The following ROBO1 variants were observed in gnomAD, a reference collection of about 807,000 sequenced individuals.
ROBO1 encodes roundabout homolog 1.
A neutral mutation model predicts 195.9 loss-of-function variants in ROBO1; 149 were observed. The ratio of observed to expected loss-of-function variants is 0.76; its 90% CI spans 0.67 to 0.87. The LOEUF is 0.87. Ranked by LOEUF, ROBO1 falls within the 40% of genes least tolerant of loss-of-function variation. The probability of loss-of-function intolerance (pLI) is 0.00; values close to 1 mark genes in which losing one functional copy is unlikely to be tolerated. For synonymous variants in ROBO1, 816 were observed against 733.2 expected, an observed-to-expected ratio of 1.11 and a Z score of -1.82; for missense variants, 1,933 against 2,068.3, an observed-to-expected ratio of 0.93 and a Z score of 1.27.
At chr3:79,044,935 A>G (rs1463132344) in intron 3 of ROBO1, among the ~76,000 whole-genome samples, 9 of 152,086 alleles carry the variant, frequency 5.9e-5, no homozygotes, top group Non-Finnish European at 1.5e-5. Context: ...TACTCAAAGC[A>G]TTGTATTAAA....
intron 2 of ROBO1, among the ~76,000 whole-genome samples, chr3:79,267,736 G>T (rs2030118148): frequency 6.6e-6 from 1 of 151,344 alleles, no homozygotes; most frequent in Non-Finnish European, 1.5e-5. Context: ...TTCTGTCATT[G>T]ATCTGTTTTG....
intron 1 of ROBO1, among the ~76,000 whole-genome samples, chr3:79,637,559 C>A (rs1439720540): frequency 1.3e-5 from 2 of 151,964 alleles, no homozygotes; most frequent in African/African-American, 4.8e-5. Context: ...AAAGCATAAG[C>A]AAGTCATCCT....
At chr3:79,448,096 T>G (rs1304721406) in intron 2 of ROBO1, among the ~76,000 whole-genome samples, 1 of 152,208 alleles carries the variant, frequency 6.6e-6, no homozygotes, top group East Asian at 1.9e-4. Context: ...TTACAAATAA[T>G]AGTAGGTGCT....
chr3:79,079,718 T>C (rs1056274749), intron 3 of ROBO1, among the ~76,000 whole-genome samples: 2 of 151,668 alleles, frequency 1.3e-5, no homozygotes, highest in Admixed American at 6.6e-5. Context: ...AGAAAACCCA[T>C]AGTGCCTGCT....
At chr3:79,499,664 A>T (rs891395455) in intron 2 of ROBO1, among the ~76,000 whole-genome samples, 3 of 152,288 alleles carry the variant, frequency 2.0e-5, no homozygotes, top group African/African-American at 7.2e-5. Flanking sequence ...TAAGAAAATA[A>T]ATATTGTGTT....
chr3:78,880,429 G>C (rs1204106911), intron 4 of ROBO1, among the ~76,000 whole-genome samples: 1 of 151,970 alleles, frequency 6.6e-6, no homozygotes, highest in Non-Finnish European at 1.5e-5. Context: ...GGAACCCATC[G>C]TCACTTACTG....
At chr3:78,715,481 G>A (rs1374507682) in intron 7 of ROBO1, among the ~76,000 whole-genome samples, 1 of 152,088 alleles carries the variant, frequency 6.6e-6, no homozygotes, top group Non-Finnish European at 1.5e-5. Context: ...CCTGCCACTA[G>A]CCTCTCCCCA....
chr3:78,701,148 T>C (rs2081411227), intron 8 of ROBO1, among the ~76,000 whole-genome samples: 1 of 152,216 alleles, frequency 6.6e-6, no homozygotes, highest in Non-Finnish European at 1.5e-5. Context: ...AAAACCTTGC[T>C]CTAATGTAAT....
intron 3 of ROBO1, among the ~76,000 whole-genome samples, chr3:79,047,548 T>G (rs1446394876): frequency 1.3e-5 from 2 of 152,126 alleles, no homozygotes; most frequent in Non-Finnish European, 2.9e-5. Context: ...CTTAAAAAGA[T>G]CAAAGCAGTA....
chr3:79,528,706 T>C (rs1941534239), intron 2 of ROBO1, among the ~76,000 whole-genome samples: 1 of 152,186 alleles, frequency 6.6e-6, no homozygotes. Context: ...AGGCTTAAAA[T>C]GATTCTCATT....
intron 3 of ROBO1, among the ~76,000 whole-genome samples, chr3:78,953,520 C>CTTAAA (rs2040894703): frequency 6.6e-6 from 1 of 151,878 alleles, no homozygotes; most frequent in Non-Finnish European, 1.5e-5. Context: ...AATCCCTGAT[C>CTTAAA]TTAACAGCCT....
At chr3:79,302,194 G>A (rs931242021) in intron 2 of ROBO1, among the ~76,000 whole-genome samples, 1 of 152,080 alleles carries the variant, frequency 6.6e-6, no homozygotes, top group Non-Finnish European at 1.5e-5. Context: ...GCTCTCTTTC[G>A]CATGCACGAC....
intron 3 of ROBO1, among the ~76,000 whole-genome samples, chr3:79,067,518 A>C (rs566119246): frequency 6.6e-6 from 1 of 152,128 alleles, no homozygotes; most frequent in South Asian, 2.1e-4. Flanking sequence ...GATGTGACTT[A>C]GGGCAGCTTA....
chr3:78,897,467 G>A (rs1031201862), intron 4 of ROBO1, among the ~76,000 whole-genome samples: 8 of 151,994 alleles, frequency 5.3e-5, no homozygotes, highest in African/African-American at 7.3e-5. Context: ...TTTGTCATTC[G>A]GTAGATATGT....
chr3:78,868,515 G>T (rs2035324318), intron 4 of ROBO1, among the ~76,000 whole-genome samples: 2 of 152,026 alleles, frequency 1.3e-5, no homozygotes, highest in Admixed American at 6.6e-5. Context: ...ATACACAGAA[G>T]AATTATCACC....
At chr3:79,583,879 G>GCATT (rs1247247492) in intron 2 of ROBO1, among the ~76,000 whole-genome samples, 3 of 151,902 alleles carry the variant, frequency 2.0e-5, no homozygotes, top group African/African-American at 7.2e-5. Context: ...ACCTTTCGGA[G>GCATT]CAGAGCATTA....
rs543339039 is a variant in ROBO1 at position 79,237,667 on chromosome 3, G to A, written c.89-112128C>T. Reference sequence around the variant, plus strand: ...TTTCTCCGGCGGTCACTCTATCCGAGTCATACACGTAATTTTTGTCAAATG... The same window carrying A: ...TTTCTCCGGCGGTCACTCTATCCGAATCATACACGTAATTTTTGTCAAATG... On this transcript the variant is annotated intron_variant, in intron 2 of 30. Coordinates refer to ENST00000464233, the MANE Select transcript of ROBO1 (RefSeq NM_002941.4). Among the ~76,000 whole-genome samples, 3 of 152,142 alleles carry A rather than the reference G, an allele frequency of 2.0e-5. No homozygotes were observed. In the East Asian group the frequency reaches 5.8e-4, roughly 29 times the overall value.
intron 3 of ROBO1, among the ~76,000 whole-genome samples, chr3:79,038,113 G>A (rs2078414389): frequency 6.6e-6 from 1 of 152,116 alleles, no homozygotes. Context: ...AATAATTGAA[G>A]ATGATATCAG....
intron 3 of ROBO1, among the ~76,000 whole-genome samples, chr3:79,075,427 A>G (rs2079156024): frequency 6.6e-6 from 1 of 152,044 alleles, no homozygotes; most frequent in South Asian, 2.1e-4. Flanking sequence ...ATTTGATTAC[A>G]TGCAAAGTAG....
Sources: allele counts gnomAD v4.1 joint callset (sites outside exome capture counted in the v4.1 genomes callset), GRCh38; gene constraint gnomAD v4.1.1; transcripts MANE v1.5; gene names NCBI Gene and HGNC (gene_info 2026-07-23, HGNC 2026-07-21).